The following LSAMP variants were observed in gnomAD, a reference collection of about 807,000 sequenced individuals.
The protein encoded by LSAMP is limbic system associated membrane protein, also known as limbic system-associated membrane protein.
A neutral mutation model predicts 38.6 loss-of-function variants in LSAMP; 7 were observed. That is an observed-to-expected ratio of 0.18 (90% CI 0.10 to 0.34). LSAMP has a LOEUF of 0.34. Ranked by LOEUF, LSAMP falls within the 10% of genes least tolerant of loss-of-function variation. LSAMP has a pLI of 1.00. For synonymous variants in LSAMP, 154 were observed against 166.8 expected, an observed-to-expected ratio of 0.92 and a Z score of 0.59; for missense variants, 313 against 420.0, an observed-to-expected ratio of 0.75 and a Z score of 2.23.
intron 6 of LSAMP, among the ~76,000 whole-genome samples, chr3:115,827,956 T>C (rs1934479607): frequency 6.6e-6 from 1 of 152,180 alleles, no homozygotes; most frequent in Admixed American, 6.5e-5. Flanking sequence ...ACAAATAACT[T>C]GTGATGATGA....
chr3:115,986,237 CA>C (rs1475214423), intron 3 of LSAMP, among the ~76,000 whole-genome samples: 1 of 152,046 alleles, frequency 6.6e-6, no homozygotes, highest in African/African-American at 2.4e-5. Flanking sequence ...AAGGTAGCTA[CA>C]ATTAGTTGGC....
At chr3:116,411,674 C>T (rs1018620190) in intron 1 of LSAMP, among the ~76,000 whole-genome samples, 8 of 148,154 alleles carry the variant, frequency 5.4e-5, no homozygotes, top group Non-Finnish European at 8.9e-5. Flanking sequence ...ACACCTAATG[C>T]TAAATGACGA....
At chr3:115,827,225 G>A (rs781249682) in intron 6 of LSAMP, among the ~76,000 whole-genome samples, 2 of 152,016 alleles carry the variant, frequency 1.3e-5, no homozygotes, top group Non-Finnish European at 2.9e-5. Flanking sequence ...GGATGGCCAA[G>A]CAAGTTTCCA....
intron 1 of LSAMP, 100 bp from the exon 2 acceptor site, chr3:116,086,656 T>A: frequency 1.2e-6 from 1 of 867,308 alleles, no homozygotes; most frequent in Non-Finnish European, 1.9e-6. Context: ...AGGAAAATAA[T>A]TATATGCAGA....
At chr3:116,083,107 G>T (rs879494651) in intron 2 of LSAMP, among the ~76,000 whole-genome samples, 2 of 152,132 alleles carry the variant, frequency 1.3e-5, no homozygotes, top group East Asian at 3.8e-4. Flanking sequence ...TGAAAAAAAT[G>T]GGCTAGAGGG....
At chr3:116,440,128 G>A (rs537256366) in intron 1 of LSAMP, among the ~76,000 whole-genome samples, 1 of 152,314 alleles carries the variant, frequency 6.6e-6, no homozygotes, top group South Asian at 2.1e-4. Context: ...CAGATCTTCT[G>A]AGTCGTACAA....
intron 1 of LSAMP, among the ~76,000 whole-genome samples, chr3:116,430,230 C>T (rs534895514): frequency 6.6e-6 from 1 of 151,952 alleles, no homozygotes; most frequent in Non-Finnish European, 1.5e-5. Context: ...GCAAATTCTC[C>T]AGTGGGAAGA....
chr3:116,261,669 C>A (rs2046827783), intron 1 of LSAMP, among the ~76,000 whole-genome samples: 1 of 152,036 alleles, frequency 6.6e-6, no homozygotes, highest in African/African-American at 2.4e-5. Context: ...TTTCTGAAGA[C>A]TAAGTTCTTC....
At chr3:116,286,737 T>C (rs1321469142) in intron 1 of LSAMP, among the ~76,000 whole-genome samples, 2 of 152,178 alleles carry the variant, frequency 1.3e-5, no homozygotes, top group African/African-American at 4.8e-5. Flanking sequence ...AAATCATCTG[T>C]ACCATGCAAA....
chr3:116,031,518 C>T (rs1375265067), intron 2 of LSAMP, among the ~76,000 whole-genome samples: 2 of 124,528 alleles, frequency 1.6e-5, no homozygotes, highest in Admixed American at 1.8e-4. Context: ...GATTTCATGC[C>T]TACATAACTA....
chr3:115,895,957 A>T (rs751982440), intron 3 of LSAMP, among the ~76,000 whole-genome samples: 1 of 152,104 alleles, frequency 6.6e-6, no homozygotes, highest in Non-Finnish European at 1.5e-5. Flanking sequence ...CAAGTTTATT[A>T]TTATGAACAT....
At chr3:116,345,920 C>T (rs78411418) in intron 1 of LSAMP, among the ~76,000 whole-genome samples, 2,042 of 152,264 alleles carry the variant, frequency 0.013, 47 homozygotes, top group African/African-American at 0.046. Context: ...TAATTACAGA[C>T]TGCTTCCGAC....
intron 1 of LSAMP, among the ~76,000 whole-genome samples, chr3:116,418,051 A>G (rs1367692305): frequency 6.6e-6 from 1 of 152,190 alleles, no homozygotes; most frequent in Non-Finnish European, 1.5e-5. Context: ...CATTTTTAGA[A>G]TATTTGTTTT....
intron 1 of LSAMP, among the ~76,000 whole-genome samples, chr3:116,409,954 C>T (rs547883684): frequency 2.0e-5 from 3 of 152,086 alleles, no homozygotes; most frequent in Non-Finnish European, 4.4e-5. Flanking sequence ...TCTGCCTCCT[C>T]TGCCACGACA....
intron 1 of LSAMP, among the ~76,000 whole-genome samples, chr3:116,353,645 C>G (rs1228023862): frequency 1.3e-5 from 2 of 151,902 alleles, no homozygotes; most frequent in South Asian, 2.1e-4. Flanking sequence ...CCAGAACTAT[C>G]TAGGCCAGTG....
chr3:116,350,216 C>A (rs149100615), intron 1 of LSAMP, among the ~76,000 whole-genome samples: 10 of 152,132 alleles, frequency 6.6e-5, no homozygotes, highest in Non-Finnish European at 1.3e-4. Flanking sequence ...AAATGTCAGT[C>A]TAAGTAAAAT....
chr3:116,268,385 A>C (rs975464265), intron 1 of LSAMP, among the ~76,000 whole-genome samples: 6 of 151,882 alleles, frequency 4.0e-5, no homozygotes, highest in African/African-American at 9.7e-5. Flanking sequence ...TCCATACCCT[A>C]TCCTTCATGT....
intron 3 of LSAMP, among the ~76,000 whole-genome samples, chr3:115,893,466 T>C (rs1406716606): frequency 6.6e-6 from 1 of 151,982 alleles, no homozygotes; most frequent in Non-Finnish European, 1.5e-5. Flanking sequence ...AGAGTCTCAG[T>C]AGAGGTTTCT....
At chr3:116,327,301 T>C (rs2047786670) in intron 1 of LSAMP, among the ~76,000 whole-genome samples, 1 of 152,178 alleles carries the variant, frequency 6.6e-6, no homozygotes, top group Non-Finnish European at 1.5e-5. Flanking sequence ...TACCTTCTAG[T>C]AAGGTCAAGT....
Sources: gnomAD v4.1 joint callset for allele counts (sites outside exome capture counted in the v4.1 genomes callset) on GRCh38, gnomAD v4.1.1 for gene constraint, MANE v1.5 for transcripts, NCBI Gene and HGNC (gene_info 2026-07-23, HGNC 2026-07-21) for gene names.